The following SDK1 variants were observed in gnomAD, a reference collection of about 807,000 sequenced individuals.
SDK1 encodes protein sidekick-1.
In SDK1, 157 loss-of-function variants were observed where a neutral mutation model predicts 245.5. The observed-to-expected ratio is 0.64, with a 90% CI of 0.56 to 0.73. The LOEUF (loss-of-function observed/expected upper bound fraction) is 0.73, where lower values mean the gene tolerates loss of function less well. Ranked by LOEUF, SDK1 falls within the 30% of genes least tolerant of loss-of-function variation. SDK1 has a pLI of 0.00. For missense variants in SDK1, 3,583 were observed against 3,002.3 expected (o/e 1.19, Z -4.52); for synonymous variants, 1,647 against 1,278.5 (o/e 1.29, Z -6.15).
intron 5 of SDK1, among the ~76,000 whole-genome samples, chr7:3,900,730 C>A (rs1026896404): frequency 3.3e-5 from 5 of 152,044 alleles, no homozygotes; most frequent in African/African-American, 1.2e-4. Context: ...CTCTCTCCCC[C>A]TCTCCATTTC....
intron 31 of SDK1, 38 bp from the exon 32 acceptor site, chr7:4,161,748 C>T: frequency 6.3e-7 from 1 of 1,578,752 alleles, no homozygotes; most frequent in Non-Finnish European, 8.7e-7. Flanking sequence ...AACATAACAA[C>T]CACCCTGACC....
At chr7:3,562,346 T>G (rs992062470) in intron 1 of SDK1, among the ~76,000 whole-genome samples, 1 of 152,224 alleles carries the variant, frequency 6.6e-6, no homozygotes, top group Non-Finnish European at 1.5e-5. Flanking sequence ...TGGCCTTTTC[T>G]TCCATAGATT....
At chr7:4,167,206 A>G (rs764520641) in intron 32 of SDK1, among the ~76,000 whole-genome samples, 5 of 152,146 alleles carry the variant, frequency 3.3e-5, no homozygotes, top group South Asian at 2.1e-4. Flanking sequence ...CGTGGCCAAC[A>G]TGGTGAAACC....
At chr7:3,449,522 T>G (rs1387549179) in intron 1 of SDK1, among the ~76,000 whole-genome samples, 1 of 152,186 alleles carries the variant, frequency 6.6e-6, no homozygotes, top group Non-Finnish European at 1.5e-5. Context: ...ATATGTTGAA[T>G]TAGGTTAGAT....
At chr7:4,053,350 C>T (rs187289797) in intron 19 of SDK1, among the ~76,000 whole-genome samples, 24 of 140,730 alleles carry the variant, frequency 1.7e-4, no homozygotes, top group African/African-American at 5.3e-4. Flanking sequence ...CGTGTCCTTA[C>T]GCTTGCCTCT....
At chr7:3,470,195 A>G (rs922921638) in intron 1 of SDK1, among the ~76,000 whole-genome samples, 9 of 152,074 alleles carry the variant, frequency 5.9e-5, no homozygotes, top group Non-Finnish European at 1.0e-4. Flanking sequence ...CCATATGCCA[A>G]CCTCCTTTCT....
At chr7:3,614,409 C>T (rs531461488) in intron 1 of SDK1, among the ~76,000 whole-genome samples, 1 of 152,170 alleles carries the variant, frequency 6.6e-6, no homozygotes, top group Non-Finnish European at 1.5e-5. Flanking sequence ...TTGAAATACA[C>T]ACACACCCTT....
intron 19 of SDK1, among the ~76,000 whole-genome samples, chr7:4,062,942 G>A (rs1054937470): frequency 2.0e-5 from 3 of 152,160 alleles, no homozygotes; most frequent in African/African-American, 7.2e-5. Context: ...ACTAGGCATA[G>A]TAGAAACATA....
At chr7:3,998,121 G>T (rs1784815537) in intron 14 of SDK1, among the ~76,000 whole-genome samples, 2 of 152,214 alleles carry the variant, frequency 1.3e-5, no homozygotes, top group African/African-American at 2.4e-5. Flanking sequence ...CTTGGGCAGG[G>T]CTCCTGCCTG....
At chr7:4,188,389 C>T (rs1221539910) in intron 35 of SDK1, among the ~76,000 whole-genome samples, 7 of 152,156 alleles carry the variant, frequency 4.6e-5, no homozygotes, top group South Asian at 2.1e-4. Flanking sequence ...GTTGTCTCCA[C>T]GGCTTAATGG....
intron 2 of SDK1, among the ~76,000 whole-genome samples, chr7:3,627,706 A>G (rs1474413297): frequency 6.6e-6 from 1 of 152,208 alleles, no homozygotes; most frequent in Non-Finnish European, 1.5e-5. Context: ...AGTCCTTGCC[A>G]ACATGACCGA....
At chr7:3,419,427 G>C (rs1302944768) in intron 1 of SDK1, among the ~76,000 whole-genome samples, 2 of 152,094 alleles carry the variant, frequency 1.3e-5, no homozygotes, top group Non-Finnish European at 2.9e-5. Context: ...TAGAGCACCT[G>C]CTCCCCCTTC....
At chr7:3,430,738 A>G (rs1406721481) in intron 1 of SDK1, among the ~76,000 whole-genome samples, 1 of 152,172 alleles carries the variant, frequency 6.6e-6, no homozygotes, top group Non-Finnish European at 1.5e-5. Flanking sequence ...TATCTCTAGT[A>G]GGAATGTCTG....
chr7:3,408,080 C>G (rs1484121891), intron 1 of SDK1, among the ~76,000 whole-genome samples: 1 of 152,070 alleles, frequency 6.6e-6, no homozygotes, highest in Non-Finnish European at 1.5e-5. Flanking sequence ...TGCTGTCACC[C>G]AGGCTGGAAT....
At chr7:3,898,487 A>G (rs948316313) in intron 5 of SDK1, among the ~76,000 whole-genome samples, 1 of 152,156 alleles carries the variant, frequency 6.6e-6, no homozygotes, top group Non-Finnish European at 1.5e-5. Context: ...GGAACAATGA[A>G]AATTACTCAC....
intron 43 of SDK1, among the ~76,000 whole-genome samples, chr7:4,244,762 T>A (rs1192256793): frequency 6.6e-6 from 1 of 152,152 alleles, no homozygotes; most frequent in Non-Finnish European, 1.5e-5. Flanking sequence ...AAGAATCTTC[T>A]TCCAAGCTCA....
intron 1 of SDK1, among the ~76,000 whole-genome samples, chr7:3,443,978 A>G (rs1235730291): frequency 6.6e-6 from 1 of 152,238 alleles, no homozygotes; most frequent in Non-Finnish European, 1.5e-5. Flanking sequence ...TATTTCTATC[A>G]TATACATAGC....
intron 16 of SDK1, among the ~76,000 whole-genome samples, chr7:4,013,709 G>A (rs371408199): frequency 3.3e-5 from 5 of 152,144 alleles, no homozygotes; most frequent in East Asian, 1.9e-4. Context: ...CTCCAGCGTC[G>A]GGATTCTCTT....
intron 17 of SDK1, among the ~76,000 whole-genome samples, chr7:4,025,903 C>T (rs889485396): frequency 1.2e-4 from 18 of 152,306 alleles, no homozygotes; most frequent in African/African-American, 4.3e-4. Context: ...CAACAGCAAC[C>T]CTTCCTGGGT....
Sources: allele counts gnomAD v4.1 joint callset (sites outside exome capture counted in the v4.1 genomes callset), GRCh38; gene constraint gnomAD v4.1.1; transcripts MANE v1.5; gene names NCBI Gene and HGNC (gene_info 2026-07-23, HGNC 2026-07-21).